REL: variants seen among roughly 807,000 people sequenced by gnomAD.
The protein encoded by REL is REL proto-oncogene, NF-kB subunit, also known as proto-oncogene c-Rel.
REL carries 15 observed loss-of-function variants against 45.9 expected under a neutral mutation model. That is an observed-to-expected ratio of 0.33 (90% CI 0.22 to 0.50). REL has a LOEUF of 0.50. Ranked by LOEUF, REL falls within the 20% of genes least tolerant of loss-of-function variation. REL has a pLI of 0.98. For synonymous variants in REL, 239 were observed against 242.1 expected (o/e 0.99, Z 0.12); for missense variants, 601 against 715.2 (o/e 0.84, Z 1.82).
Position 60,924,025 on chromosome 2 carries a change from T to C in REL, c.*1490T>C, listed in dbSNP as rs1218312334. The C allele has an allele frequency of 8.6e-6, 2 of 232,656 alleles. No individual in the cohort carries two copies. The highest frequency in any genetic ancestry group is 3.6e-4 in the South Asian group (2 of 5,520). The allele number at this position is 232,656 out of a possible 1,614,324, so 14.4% of individuals were successfully genotyped here. On this transcript the variant is annotated 3_prime_UTR_variant, in exon 10 of 10. Transcript: ENST00000394479. ...GCTCCAGGCACCTTGGCCTCAGTGC[T>C]CCTCAAAGCATCAAGTATGCACTTG...
At chr2:60,885,254 A>G (rs200004709) in intron 1 of REL, among the ~76,000 whole-genome samples, 3 of 152,328 alleles carry the variant, frequency 2.0e-5, no homozygotes, top group East Asian at 3.9e-4. Context: ...CATGACCCAA[A>G]TATTGCATGG....
At chr2:60,902,231 A>T (rs192087881) in intron 4 of REL, among the ~76,000 whole-genome samples, 5 of 152,340 alleles carry the variant, frequency 3.3e-5, no homozygotes, top group Admixed American at 1.3e-4. Context: ...TTTAAGGAAT[A>T]TATTCACAGG....
Position 60,922,448 on chromosome 2 carries a change from T to A in REL, c.1677T>A (p.Phe559Leu), listed in dbSNP as rs1467624443. The A allele has an allele frequency of 5.0e-6, 8 of 1,613,956 alleles. No individual in the cohort carries two copies. Among genetic ancestry groups the A allele is most frequent in the Admixed American group, 3.3e-5 (2 of 60,002 alleles). ...SNSTNPNSHGFVQDSQYSGIG... is the reference protein window; with the variant it reads ...SNSTNPNSHGLVQDSQYSGIG... Reference sequence around the variant, plus strand: ...GTACTAATCCAAACAGTCATGGTTTTGTTCAAGATAGTCAGTATTCAGGTA... The same window carrying A: ...GTACTAATCCAAACAGTCATGGTTTAGTTCAAGATAGTCAGTATTCAGGTA... Residue 559 changes from phenylalanine (F) to leucine (L), a missense_variant, in exon 10 of 10, where the codon TTT becomes TTA. Phe to Leu is a conservative substitution (Grantham distance 22). Coordinates refer to ENST00000394479, the MANE Select transcript of REL (RefSeq NM_001291746.2).
At chr2:60,906,842 T>TATG (rs1285851451) in intron 4 of REL, among the ~76,000 whole-genome samples, 1 of 139,206 alleles carries the variant, frequency 7.2e-6, no homozygotes, top group African/African-American at 2.5e-5. Flanking sequence ...TGTATATATA[T>TATG]ATGTGTGTGT....
chr2:60,890,520 AG>A (rs1483773470), intron 1 of REL, among the ~76,000 whole-genome samples: 3 of 152,208 alleles, frequency 2.0e-5, no homozygotes, highest in African/African-American at 7.2e-5. Context: ...TCAGCACTAA[AG>A]TGATTAAGGG....
At chr2:60,912,634 A>C (rs1673850984) in intron 4 of REL, among the ~76,000 whole-genome samples, 2 of 152,158 alleles carry the variant, frequency 1.3e-5, no homozygotes, top group Non-Finnish European at 2.9e-5. Context: ...CAAAAGAGAG[A>C]TTTCATTTTT....
intron 1 of REL, among the ~76,000 whole-genome samples, chr2:60,891,066 G>A (rs1358930737): frequency 6.6e-6 from 1 of 152,012 alleles, no homozygotes; most frequent in African/African-American, 2.4e-5. Flanking sequence ...GGTTTGCATG[G>A]GACTGATTGC....
intron 4 of REL, among the ~76,000 whole-genome samples, chr2:60,907,162 C>T (rs756652502): frequency 6.6e-6 from 1 of 151,514 alleles, no homozygotes; most frequent in African/African-American, 2.4e-5. Context: ...TCAGGTGATC[C>T]GCCCACCTTG....
chr2:60,926,239 G>C lies in REL; in HGVS notation c.*3704G>C, dbSNP rs1674264950. 4.3e-6 allele frequency: 1 copy of C among 230,820 alleles called. No individual in the cohort carries two copies. Among genetic ancestry groups the C allele is most frequent in the Admixed American group, 5.7e-5 (1 of 17,688 alleles). 14.3% of individuals were successfully genotyped at this position (230,820 alleles called of 1,614,324 possible). On this transcript the variant is annotated 3_prime_UTR_variant, in exon 10 of 10. Transcript: ENST00000394479. ...GGTAAATGTCTTCATTAGCCTAAAA[G>C]GAAAGACCAAATAAAACCTTTCCTA...
In REL at chr2:60,881,849, C is replaced by G; in HGVS notation, c.9C>G (p.Ser3=). 1 of 1,509,378 alleles carries G rather than the reference C, an allele frequency of 6.6e-7. No homozygotes were observed. Among genetic ancestry groups the G allele is most frequent in the South Asian group, 1.2e-5 (1 of 81,570 alleles). The allele number at this position is 1,509,378 out of a possible 1,614,324, so 93.5% of individuals were successfully genotyped here. A position where few individuals can be genotyped will look rare whatever the true frequency, so the allele number is the denominator to read the frequency against. ...GTGCGGGGAGCGGAGCCATGGCCTCCGGTGAGTGTTCATGGGGCGCGGGCC... is the reference window on the plus strand; with the variant it reads ...GTGCGGGGAGCGGAGCCATGGCCTCGGGTGAGTGTTCATGGGGCGCGGGCC... MA[S]GAYNPYIEII... Residue 3 remains serine (S), a splice_region_variant and synonymous_variant, in exon 1 of 10, where the codon TCC becomes TCG. Coordinates refer to ENST00000394479, the MANE Select transcript of REL (RefSeq NM_001291746.2).
chr2:60,898,992 C>T (rs1673427914), intron 3 of REL: 1 of 152,106 alleles, frequency 6.6e-6, no homozygotes. Context: ...TACCACCACC[C>T]CTAATATTCC....
chr2:60,925,800 C>G lies in REL; in HGVS notation c.*3265C>G, dbSNP rs1440003709. The G allele has an allele frequency of 4.8e-6, 1 of 206,882 alleles. No individual in the cohort carries two copies. The highest frequency in any genetic ancestry group is 9.8e-6 in the Non-Finnish European group (1 of 101,558). The allele number at this position is 206,882 out of a possible 1,614,324, so 12.8% of individuals were successfully genotyped here. A position where few individuals can be genotyped will look rare whatever the true frequency, so the allele number is the denominator to read the frequency against. On this transcript the variant is annotated 3_prime_UTR_variant, in exon 10 of 10. Coordinates refer to ENST00000394479, the MANE Select transcript of REL (RefSeq NM_001291746.2). ...AGCTGCATGGGTTTTTTTCTTTAAA[C>G]TAATTAAGCGTTGGCTACTTAGTAT...
chr2:60,902,806 C>G lies in REL; in HGVS notation c.394+1723C>G, dbSNP rs1673533364. 2.0e-5 allele frequency among the ~76,000 whole-genome samples: 3 copies of G among 152,050 alleles called. No homozygotes were observed. The South Asian group carries it at 6.2e-4, about 32-fold the overall frequency. On this transcript the variant is annotated intron_variant, in intron 4 of 9. Coordinates refer to ENST00000394479, the MANE Select transcript of REL (RefSeq NM_001291746.2). ...GTCTCGCCATGTTGCCCAGGCTGGT[C>G]TCAAAACTCCTGAGCTCAGCAATCC...
chr2:60,890,596 G>A (rs1673184559), intron 1 of REL, among the ~76,000 whole-genome samples: 1 of 152,100 alleles, frequency 6.6e-6, no homozygotes, highest in African/African-American at 2.4e-5. Flanking sequence ...CTACTTGCAA[G>A]TACAGTTGAG....
chr2:60,928,920 A>C lies in REL; in HGVS notation c.*6385A>C, dbSNP rs1426833309. ...AAATGGGAGAAAATTTTCGCAACCTACTTATCTGACAAAGGGCTAATATCC... is the reference window on the plus strand; with the variant it reads ...AAATGGGAGAAAATTTTCGCAACCTCCTTATCTGACAAAGGGCTAATATCC... On this transcript the variant is annotated 3_prime_UTR_variant, in exon 10 of 10. Coordinates refer to ENST00000394479, the MANE Select transcript of REL (RefSeq NM_001291746.2). 1.3e-5 allele frequency: 2 copies of C among 149,142 alleles called. No individual in the cohort carries two copies. Among genetic ancestry groups the C allele is most frequent in the Admixed American group, 1.3e-4 (2 of 14,894 alleles). 9.2% of individuals were successfully genotyped at this position (149,142 alleles called of 1,614,324 possible).
rs200810265 is a variant in REL at position 60,926,946 on chromosome 2, G to GA, written c.*4419dup. The GA allele has an allele frequency of 2.8e-4, 63 of 224,164 alleles. No individual in the cohort carries two copies. In the South Asian group the frequency reaches 5.3e-3, roughly 19 times the overall value. The allele number at this position is 224,164 out of a possible 1,614,324, so 13.9% of individuals were successfully genotyped here. ...CCTTATTACATAGCTAGCATTCCTT[G>GA]AAAAAAAACAATTCTCTCAGGCCTC... On this transcript the variant is annotated 3_prime_UTR_variant, in exon 10 of 10. Coordinates refer to ENST00000394479, the MANE Select transcript of REL (RefSeq NM_001291746.2).
intron 3 of REL, among the ~76,000 whole-genome samples, chr2:60,897,670 T>C (rs1227965956): frequency 6.6e-6 from 1 of 152,046 alleles, no homozygotes; most frequent in Non-Finnish European, 1.5e-5. Flanking sequence ...TCTTGGTTCC[T>C]TCTGGTGGGG....
chr2:60,894,560 A>T lies in REL; in HGVS notation c.302+15A>T. ...AGACCTTTGTTGTAAGTACACAGTT[A>T]CAGACATCTTCAGAAATAAGATAAG... On this transcript the variant is annotated intron_variant, in intron 3 of 9. Transcript: ENST00000394479. 9 of 1,541,626 alleles carry T rather than the reference A, an allele frequency of 5.8e-6. No homozygotes were observed. Among genetic ancestry groups the T allele is most frequent in the Non-Finnish European group, 7.0e-6 (8 of 1,142,484 alleles).
intron 3 of REL, 108 bp downstream of exon 3, chr2:60,894,653 A>G: frequency 1.2e-6 from 1 of 800,250 alleles, no homozygotes; most frequent in Non-Finnish European, 1.8e-6. Context: ...TTCTCATTCT[A>G]CTTCTATTTA....
Sources: gnomAD v4.1 joint callset for allele counts (sites outside exome capture counted in the v4.1 genomes callset) on GRCh38, gnomAD v4.1.1 for gene constraint, MANE v1.5 for transcripts, NCBI Gene and HGNC (gene_info 2026-07-23, HGNC 2026-07-21) for gene names.